Variants in C2CD4A observed in about 807,000 individuals in gnomAD.
C2CD4A encodes the protein C2 calcium dependent domain containing 4A, also known as C2 calcium-dependent domain-containing protein 4A.
Under a neutral mutation model 0.4 loss-of-function variants are expected in C2CD4A, and 2 were observed. The ratio of observed to expected loss-of-function variants is 4.45; its 90% CI spans 1.82 to 13.99. The LOEUF is 13.99. C2CD4A is among the 30% of genes most tolerant of loss of function. The probability of loss-of-function intolerance (pLI) is 0.04; values close to 1 mark genes in which losing one functional copy is unlikely to be tolerated. For synonymous variants in C2CD4A, 297 were observed against 280.8 expected (o/e 1.06, Z -0.58); for missense variants, 610 against 574.2 (o/e 1.06, Z -0.64).
Position 62,068,766 on chromosome 15 carries a change from A to T in C2CD4A, c.*43A>T. 9.8e-6 allele frequency: 14 copies of T among 1,427,542 alleles called. No homozygotes were observed. The highest frequency in any genetic ancestry group is 1.3e-5 in the Non-Finnish European group (14 of 1,087,478). The allele number at this position is 1,427,542 out of a possible 1,614,324, so 88.4% of individuals were successfully genotyped here. A position where few individuals can be genotyped will look rare whatever the true frequency, so the allele number is the denominator to read the frequency against. On this transcript the variant is annotated 3_prime_UTR_variant, in exon 2 of 2. Transcript: ENST00000355522. ...GGGCGCTCTGCCCGGGGGACTCCGG[A>T]CACTGACAGCCGCGTGGTACAAAAT...
Position 62,068,061 on chromosome 15 carries a change from G to T in C2CD4A, c.448G>T (p.Val150Phe). The change falls in exon 2 of 2, where the codon GTC (valine) becomes TTC (phenylalanine). Residue 150 changes from valine (V) to phenylalanine (F), a missense_variant. Transcript: ENST00000355522. ...GPDALLGTLR[V>F]PRAPGPATPA... is the part of the protein sequence containing the mutation. The stretch of plus-strand genomic sequence containing the variant: ...GGACGCCCTCCTGGGGACCCTGCGC[G>T]TCCCGCGAGCTCCGGGCCCGGCGAC... 2 of 1,185,006 alleles carry T rather than the reference G, an allele frequency of 1.7e-6. No individual in the cohort carries two copies. The highest frequency in any genetic ancestry group is 2.1e-6 in the Non-Finnish European group (2 of 960,052). 73.4% of individuals were successfully genotyped at this position (1,185,006 alleles called of 1,614,324 possible). A position where few individuals can be genotyped will look rare whatever the true frequency, so the allele number is the denominator to read the frequency against.
At chr15:62,067,180 T>A (rs1240616431) in intron 1 of C2CD4A, 92 bp downstream of exon 1, 2 of 158,266 alleles carry the variant, frequency 1.3e-5, no homozygotes, top group African/African-American at 4.8e-5. Context: ...AGCCACAGTT[T>A]CCCGGAAGGA....
At position 62,067,965 on chromosome 15, in the gene C2CD4A, G is replaced by A; in HGVS notation, c.352G>A (p.Glu118Lys). 6.6e-7 allele frequency: 1 copy of A among 1,523,950 alleles called. No homozygotes were observed. The highest frequency in any genetic ancestry group is 8.7e-7 in the Non-Finnish European group (1 of 1,143,530). The allele number at this position is 1,523,950 out of a possible 1,614,324, so 94.4% of individuals were successfully genotyped here. A position where few individuals can be genotyped will look rare whatever the true frequency, so the allele number is the denominator to read the frequency against. Residue 118 changes from glutamate to lysine, a missense_variant, in exon 2 of 2, where the codon GAG (glutamate) becomes AAG (lysine). By Grantham distance (56) the Glu-to-Lys change is moderately conservative. Coordinates refer to ENST00000355522, the MANE Select transcript of C2CD4A (RefSeq NM_207322.3). The part of the protein sequence containing the change: ...LLESPHTRRK[E>K]SLLLGGPPAP... The stretch of plus-strand genomic sequence containing the variant: ...CGAGAGCCCGCACACGCGCCGCAAG[G>A]AGTCGCTCCTGCTCGGGGGCCCGCC...
chr15:62,070,448 G>C lies in C2CD4A; in HGVS notation c.*1725G>C, dbSNP rs144858284. On this transcript the variant is annotated 3_prime_UTR_variant, in exon 2 of 2. Transcript: ENST00000355522. ...TTCTCAAAGTGCTAGGATTATAGGCGTGAGCCACCATGCCCGACCAGTTTC... is the reference window on the plus strand; with the variant it reads ...TTCTCAAAGTGCTAGGATTATAGGCCTGAGCCACCATGCCCGACCAGTTTC... 2.4e-6 allele frequency: 1 copy of C among 413,350 alleles called. No homozygotes were observed. The highest frequency in any genetic ancestry group is 2.1e-5 in the African/African-American group (1 of 48,620). 25.6% of individuals were successfully genotyped at this position (413,350 alleles called of 1,614,324 possible). A position where few individuals can be genotyped will look rare whatever the true frequency, so the allele number is the denominator to read the frequency against.
At position 62,067,771 on chromosome 15, in the gene C2CD4A, C is replaced by T. The variant is rs768943399; in HGVS notation, c.158C>T (p.Pro53Leu). 1 of 1,613,138 alleles carries T rather than the reference C, an allele frequency of 6.2e-7. No homozygotes were observed. The highest frequency in any genetic ancestry group is 2.2e-5 in the East Asian group (1 of 44,874). The stretch of plus-strand genomic sequence containing the variant: ...CGCATCCCTGAGTTCTGCATCCCGC[C>T]ACGGCTCATGCCCCGCCTGGCCTTG... ...PDRIPEFCIP[P>L]RLMPRLALAA... The change falls in exon 2 of 2, where the codon CCA (proline) becomes CTA (leucine). Residue 53 changes from proline (P) to leucine (L), a missense_variant. Physicochemically the swap from Pro to Leu is moderately conservative, Grantham distance 98. Transcript: ENST00000355522.
At position 62,070,809 on chromosome 15, in the gene C2CD4A, A is replaced by AT. The variant is rs2049078958; in HGVS notation, c.*2092dup. On this transcript the variant is annotated 3_prime_UTR_variant, in exon 2 of 2. Coordinates refer to ENST00000355522, the MANE Select transcript of C2CD4A (RefSeq NM_207322.3). The stretch of plus-strand genomic sequence containing the variant: ...TTCCTTGGCCCTCAAGCCAACATTC[A>AT]TTTTTTATGTATAACCTTCTTCATG... The AT allele has an allele frequency of 6.6e-6, 2 of 300,834 alleles. No homozygotes were observed. Among genetic ancestry groups the AT allele is most frequent in the African/African-American group, 2.2e-5 (1 of 46,484 alleles). 18.6% of individuals were successfully genotyped at this position (300,834 alleles called of 1,614,324 possible). A position where few individuals can be genotyped will look rare whatever the true frequency, so the allele number is the denominator to read the frequency against.
rs564461729 is a variant in C2CD4A, at chr15:62,067,553, T to C, written c.-29-32T>C. On this transcript the variant is annotated intron_variant, in intron 1 of 1. Coordinates refer to ENST00000355522, the MANE Select transcript of C2CD4A (RefSeq NM_207322.3). ...ATTTACTGCACCTTGCGGGACTCGC[T>C]CTGACGATCCTTGTGCCTTTGTGCA... The C allele has an allele frequency of 3.5e-5, 53 of 1,509,668 alleles. No homozygotes were observed. In the African/African-American group the frequency reaches 6.6e-4, roughly 19 times the overall value. 93.5% of individuals were successfully genotyped at this position (1,509,668 alleles called of 1,614,324 possible). A position where few individuals can be genotyped will look rare whatever the true frequency, so the allele number is the denominator to read the frequency against.
Position 62,067,664 on chromosome 15 carries a change from C to A in C2CD4A, c.51C>A (p.Ser17Arg). ...TGGGTCCTGAGTGCCTTCGGCGGAGCGGAGACTGGCTTCTCCCGGGTCGGG... is the reference window on the plus strand; with the variant it reads ...TGGGTCCTGAGTGCCTTCGGCGGAGAGGAGACTGGCTTCTCCCGGGTCGGG... ...LRLGPECLRR[S>R]GDWLLPGRAR... Residue 17 changes from serine to arginine, a missense_variant, in exon 2 of 2, where the codon AGC becomes AGA. By Grantham distance (110) the Ser-to-Arg change is moderately radical. Transcript: ENST00000355522. 5 of 1,606,576 alleles carry A rather than the reference C, an allele frequency of 3.1e-6. No individual in the cohort carries two copies. The highest frequency in any genetic ancestry group is 1.3e-5 in the African/African-American group (1 of 75,046).
chr15:62,068,549 G>A lies in C2CD4A; in HGVS notation c.936G>A (p.Val312=), dbSNP rs376632626. The change falls in exon 2 of 2, where the codon GTG becomes GTA. Residue 312 remains valine, a synonymous_variant. Coordinates refer to ENST00000355522, the MANE Select transcript of C2CD4A (RefSeq NM_207322.3). ...CGCTTCGGCAATGCAGCACTGTGGTGGGGCGCAGCCGCAAGGCCTCCTTTG... is the reference window on the plus strand; with the variant it reads ...CGCTTCGGCAATGCAGCACTGTGGTAGGGCGCAGCCGCAAGGCCTCCTTTG... The part of the protein sequence containing the change: ...GTALRQCSTV[V]GRSRKASFDQ... 65 of 1,566,846 alleles carry A rather than the reference G, an allele frequency of 4.1e-5. No individual in the cohort carries two copies. The African/African-American group carries it at 7.3e-4, about 18-fold the overall frequency.
rs1379413865 is a variant in C2CD4A at position 62,069,917 on chromosome 15, A to G, written c.*1194A>G. 1.1e-5 allele frequency: 2 copies of G among 174,638 alleles called. No individual in the cohort carries two copies. Among genetic ancestry groups the G allele is most frequent in the African/African-American group, 2.4e-5 (1 of 41,838 alleles). 10.8% of individuals were successfully genotyped at this position (174,638 alleles called of 1,614,324 possible). ...AATGAATAATTTATTATCTCATGCTAATAACTTCAGGCATTGAGATGAGCT... is the reference window on the plus strand; with the variant it reads ...AATGAATAATTTATTATCTCATGCTGATAACTTCAGGCATTGAGATGAGCT... On this transcript the variant is annotated 3_prime_UTR_variant, in exon 2 of 2. Transcript: ENST00000355522.
At position 62,068,934 on chromosome 15, in the gene C2CD4A, G is replaced by T. The variant is rs2049066111; in HGVS notation, c.*211G>T. 3 of 607,952 alleles carry T rather than the reference G, an allele frequency of 4.9e-6. No individual in the cohort carries two copies. The highest frequency in any genetic ancestry group is 2.6e-6 in the Non-Finnish European group (1 of 383,640). The allele number at this position is 607,952 out of a possible 1,614,324, so 37.7% of individuals were successfully genotyped here. ...TTTCAGCAAATGGAATGGTTCTACA[G>T]TGTTTCCCAATATAGACAGCCATTT... On this transcript the variant is annotated 3_prime_UTR_variant, in exon 2 of 2. Transcript: ENST00000355522.
rs769231857 is a variant in C2CD4A at position 62,067,682 on chromosome 15, G to C, written c.69G>C (p.Pro23=). The change falls in exon 2 of 2, where the codon CCG becomes CCC. Residue 23 remains proline (P), a synonymous_variant. Coordinates refer to ENST00000355522, the MANE Select transcript of C2CD4A (RefSeq NM_207322.3). ...CLRRSGDWLL[P]GRARGAKSRT... is the part of the protein sequence containing the mutation. The stretch of plus-strand genomic sequence containing the variant: ...GGCGGAGCGGAGACTGGCTTCTCCC[G>C]GGTCGGGCCCGCGGAGCCAAGTCTC... 35 of 1,607,692 alleles carry C rather than the reference G, an allele frequency of 2.2e-5. No homozygotes were observed. The African/African-American group carries it at 4.3e-4, about 20-fold the overall frequency.
chr15:62,067,570 CT>C lies in C2CD4A; in HGVS notation c.-29-12del. The C allele has an allele frequency of 6.5e-7, 1 of 1,538,360 alleles. No homozygotes were observed. ...GGACTCGCTCTGACGATCCTTGTGC[CT>C]TTGTGCACTGCAGGTAGACAAGCTC... On this transcript the variant is annotated splice_polypyrimidine_tract_variant and intron_variant, in intron 1 of 1. Transcript: ENST00000355522.
intron 1 of C2CD4A, 137 bp from the exon 2 acceptor site, chr15:62,067,448 G>A: frequency 1.4e-6 from 1 of 691,494 alleles, no homozygotes; most frequent in Non-Finnish European, 2.4e-6. Context: ...TGCAATAGCG[G>A]CAAGCAAGAG....
rs184311427 is a variant in C2CD4A, at chr15:62,067,359, G to A, written c.-29-226G>A. 4.6e-5 allele frequency among the ~76,000 whole-genome samples: 7 copies of A among 152,320 alleles called. No individual in the cohort carries two copies. The East Asian group carries it at 1.3e-3, about 29-fold the overall frequency. On this transcript the variant is annotated intron_variant, in intron 1 of 1. Coordinates refer to ENST00000355522, the MANE Select transcript of C2CD4A (RefSeq NM_207322.3). ...CCAGGGCGGAGAGGGATTAAAACAA[G>A]CTCCGAAGTGTGTATTACAACACAG...
Position 62,067,715 on chromosome 15 carries a change from C to A in C2CD4A, c.102C>A (p.Thr34=). 1 of 1,610,984 alleles carries A rather than the reference C, an allele frequency of 6.2e-7. No homozygotes were observed. ...GRARGAKSRT[T]AACANVLTPD... is the part of the protein sequence containing the mutation. ...CCCGCGGAGCCAAGTCTCGCACCAC[C>A]GCCGCGTGCGCAAATGTGCTCACTC... is the stretch of plus-strand genomic sequence containing the variant. The change falls in exon 2 of 2, where the codon ACC becomes ACA. Residue 34 remains threonine, a synonymous_variant. Transcript: ENST00000355522.
Position 62,067,687 on chromosome 15 carries a change from G to A in C2CD4A, c.74G>A (p.Arg25Gln). 6.2e-7 allele frequency: 1 copy of A among 1,607,938 alleles called. No homozygotes were observed. Among genetic ancestry groups the A allele is most frequent in the Non-Finnish European group, 8.5e-7 (1 of 1,179,806 alleles). The change falls in exon 2 of 2, where the codon CGG becomes CAG. Residue 25 changes from arginine (R) to glutamine (Q), a missense_variant. By Grantham distance (43) the Arg-to-Gln change is conservative. Transcript: ENST00000355522. ...AGCGGAGACTGGCTTCTCCCGGGTC[G>A]GGCCCGCGGAGCCAAGTCTCGCACC... is the stretch of plus-strand genomic sequence containing the variant. ...RRSGDWLLPG[R>Q]ARGAKSRTTA...
chr15:62,068,627 C>CTGAGGACGAA lies in C2CD4A; in HGVS notation c.1014_1015insTGAGGACGAA (p.Val339Ter). ...CGGAGGACGAAGTGCGCCGCCTGGC[C>CTGAGGACGAA]GTTCGAGTCAAGGCCCGGGACGAGG... On this transcript the variant is annotated stop_gained and frameshift_variant, in exon 2 of 2. Transcript: ENST00000355522. 6.4e-7 allele frequency: 1 copy of CTGAGGACGAA among 1,557,644 alleles called. No individual in the cohort carries two copies. Among genetic ancestry groups the CTGAGGACGAA allele is most frequent in the South Asian group, 1.2e-5 (1 of 84,678 alleles).
At position 62,067,830 on chromosome 15, in the gene C2CD4A, G is replaced by C. The variant is rs771769072; in HGVS notation, c.217G>C (p.Gly73Arg). Residue 73 changes from glycine to arginine, a missense_variant, in exon 2 of 2, where the codon GGG becomes CGG. Coordinates refer to ENST00000355522, the MANE Select transcript of C2CD4A (RefSeq NM_207322.3). ...CCGGAATTCTTGGGTCGAAGAAGCA[G>C]GGATGGACGAGGGCGCCGGCCGCAC... ...ALRNSWVEEA[G>R]MDEGAGRTDW... 3.1e-6 allele frequency: 5 copies of C among 1,611,108 alleles called. 1 individual carries two copies. In the South Asian group the frequency reaches 5.5e-5, roughly 18 times the overall value.
Sources: gnomAD v4.1 joint callset for allele counts (sites outside exome capture counted in the v4.1 genomes callset) on GRCh38, gnomAD v4.1.1 for gene constraint, MANE v1.5 for transcripts, NCBI Gene and HGNC (gene_info 2026-07-23, HGNC 2026-07-21) for gene names.